Variants in ACTL8 observed in about 807,000 individuals in gnomAD.
ACTL8 encodes actin-like protein 8.
Under a neutral mutation model 9.3 loss-of-function variants are expected in ACTL8, and 3 were observed. The observed-to-expected ratio is 0.32, with a 90% CI of 0.15 to 0.83. The LOEUF is 0.83. Ranked by LOEUF, ACTL8 falls within the 40% of genes least tolerant of loss-of-function variation. The probability of loss-of-function intolerance (pLI) is 0.57; values close to 1 mark genes in which losing one functional copy is unlikely to be tolerated. For missense variants in ACTL8, 381 were observed against 492.2 expected, an observed-to-expected ratio of 0.77 and a Z score of 2.14; for synonymous variants, 224 against 205.9, an observed-to-expected ratio of 1.09 and a Z score of -0.75.
At chr1:17,771,817 AC>A (rs1332759417) in intron 1 of ACTL8, among the ~76,000 whole-genome samples, 22 of 152,262 alleles carry the variant, frequency 1.4e-4, no homozygotes, top group African/African-American at 3.9e-4. Flanking sequence ...ACAAATGGAC[AC>A]TGAGGTGCTG....
chr1:17,798,316 C>A (rs1206385531), intron 1 of ACTL8, among the ~76,000 whole-genome samples: 1 of 152,058 alleles, frequency 6.6e-6, no homozygotes, highest in Non-Finnish European at 1.5e-5. Context: ...TAGGTGGGAG[C>A]TAGACCAGCA....
In ACTL8 at chr1:17,825,778, G is replaced by A; in HGVS notation, c.360G>A (p.Glu120=). ...CTCCCTCGTTGCAGATCCTGTTTGAGTTGCTGCATGTCCCATCGGTCCTCC... is the reference window on the plus strand; with the variant it reads ...CTCCCTCGTTGCAGATCCTGTTTGAATTGCTGCATGTCCCATCGGTCCTCC... The part of the protein sequence containing the change: ...DRKKMLEILF[E]LLHVPSVLLA... The change falls in exon 3 of 3, where the codon GAG becomes GAA. Residue 120 remains glutamate, a synonymous_variant. Coordinates refer to ENST00000375406, the MANE Select transcript of ACTL8 (RefSeq NM_030812.3). 3.1e-6 allele frequency: 5 copies of A among 1,612,418 alleles called. No homozygotes were observed. Among genetic ancestry groups the A allele is most frequent in the Non-Finnish European group, 4.2e-6 (5 of 1,179,214 alleles).
At chr1:17,790,843 C>T (rs1156582303) in intron 1 of ACTL8, among the ~76,000 whole-genome samples, 1 of 152,274 alleles carries the variant, frequency 6.6e-6, no homozygotes, top group Non-Finnish European at 1.5e-5. Flanking sequence ...TCATCAGCAT[C>T]CAAAATTCAG....
At position 17,769,674 on chromosome 1, in the gene ACTL8, C is replaced by T. The variant is rs143017007; in HGVS notation, c.-25+14170C>T. Among the ~76,000 whole-genome samples the T allele has an allele frequency of 2.1e-4, 32 of 152,162 alleles. No individual in the cohort carries two copies. In the South Asian group the frequency reaches 3.5e-3, roughly 17 times the overall value. On this transcript the variant is annotated intron_variant, in intron 1 of 2. Transcript: ENST00000375406. ...AGACAGAGGCATGAAATAAACCAGG[C>T]GCAGGGCAGAAGAGGGCATGGGAAT...
chr1:17,759,624 G>A (rs1050500414), intron 1 of ACTL8, among the ~76,000 whole-genome samples: 4 of 152,218 alleles, frequency 2.6e-5, no homozygotes, highest in African/African-American at 9.6e-5. Flanking sequence ...GTGTTTGTGG[G>A]AGGATGCTTG....
chr1:17,822,964 C>A, intron 1 of ACTL8, 21 bp from the exon 2 acceptor site: 1 of 1,550,808 alleles, frequency 6.4e-7, no homozygotes. Context: ...GCACAACTAA[C>A]CCCATCCTTT....
At chr1:17,791,445 TC>T (rs2066238619) in intron 1 of ACTL8, among the ~76,000 whole-genome samples, 1 of 152,192 alleles carries the variant, frequency 6.6e-6, no homozygotes, top group Admixed American at 6.5e-5. Context: ...GAGTGGAAGA[TC>T]CGGGATTTGA....
intron 1 of ACTL8, among the ~76,000 whole-genome samples, chr1:17,795,695 G>A (rs552612690): frequency 3.3e-5 from 5 of 152,166 alleles, no homozygotes; most frequent in South Asian, 2.1e-4. Context: ...TGGGGGTCCC[G>A]CGTCAATCAC....
intron 1 of ACTL8, among the ~76,000 whole-genome samples, chr1:17,806,404 ACTCCCC>A (rs2066360305): frequency 6.6e-6 from 1 of 151,594 alleles, no homozygotes; most frequent in African/African-American, 2.4e-5. Context: ...TTCTTCTGGT[ACTCCCC>A]CTGTTTCTCA....
chr1:17,765,947 C>G (rs1206180391), intron 1 of ACTL8, among the ~76,000 whole-genome samples: 1 of 152,222 alleles, frequency 6.6e-6, no homozygotes, highest in African/African-American at 2.4e-5. Flanking sequence ...TAAATCTCAC[C>G]CCAGGTTTTA....
At chr1:17,791,921 G>A (rs2066242665) in intron 1 of ACTL8, among the ~76,000 whole-genome samples, 1 of 152,210 alleles carries the variant, frequency 6.6e-6, no homozygotes, top group East Asian at 1.9e-4. Context: ...CTGAAGCCGG[G>A]ACTCCCATTC....
At position 17,767,557 on chromosome 1, in the gene ACTL8, G is replaced by A. The variant is rs2066053301; in HGVS notation, c.-25+12053G>A. On this transcript the variant is annotated intron_variant, in intron 1 of 2. Coordinates refer to ENST00000375406, the MANE Select transcript of ACTL8 (RefSeq NM_030812.3). This position sits in a 1 kb window ranked among gnomAD's most constrained non-coding sequence, Gnocchi z 4.7. ...TGTCTAAGCCCGTGGCTGGGTGCAT[G>A]GCTCCCGGGCACTGCTCTTTTGTGG... Among the ~76,000 whole-genome samples the A allele has an allele frequency of 6.6e-6, 1 of 152,180 alleles. No individual in the cohort carries two copies. Among genetic ancestry groups the A allele is most frequent in the Non-Finnish European group, 1.5e-5 (1 of 68,024 alleles).
chr1:17,791,234 C>T (rs1254907486), intron 1 of ACTL8, among the ~76,000 whole-genome samples: 1 of 152,196 alleles, frequency 6.6e-6, no homozygotes, highest in Non-Finnish European at 1.5e-5. Context: ...TTGTCCCCAG[C>T]TCCCGCCAGC....
intron 1 of ACTL8, among the ~76,000 whole-genome samples, chr1:17,779,259 C>G (rs1290918776): frequency 6.6e-6 from 1 of 152,156 alleles, no homozygotes; most frequent in Non-Finnish European, 1.5e-5. Context: ...CCTCCTTCAA[C>G]ATTCAGCTGG....
chr1:17,804,954 TCTC>T lies in ACTL8; in HGVS notation c.-24-18028_-24-18026del, dbSNP rs199846661. Among the ~76,000 whole-genome samples the T allele has an allele frequency of 6.0e-3, 908 of 151,962 alleles. 7 individuals are homozygous for T. Among genetic ancestry groups the T allele is most frequent in the African/African-American group, 0.021 (868 of 41,416 alleles). On this transcript the variant is annotated intron_variant, in intron 1 of 2. Transcript: ENST00000375406. ...TCCTCAACCCAGCAGCCAGTGTCATTCTCCTAACACTTGGGACAGACGGGACCC... is the reference window on the plus strand; with the variant it reads ...TCCTCAACCCAGCAGCCAGTGTCATTCTAACACTTGGGACAGACGGGACCC...
chr1:17,762,843 C>T (rs1411694932), intron 1 of ACTL8, among the ~76,000 whole-genome samples: 4 of 152,120 alleles, frequency 2.6e-5, no homozygotes, highest in South Asian at 2.1e-4. Context: ...CCACCTCTGG[C>T]GCTTTCTGCG....
chr1:17,823,191 C>A lies in ACTL8; in HGVS notation c.183C>A (p.Asp61Glu), dbSNP rs1383914234. The change falls in exon 2 of 3, where the codon GAC becomes GAA. Residue 61 changes from aspartate to glutamate, a missense_variant. This residue lies in a region of ACTL8 where 125 missense variants were observed against 180.7 expected (regional missense o/e 0.69). Transcript: ENST00000375406. The surrounding 1 kb of genome is among the most constrained non-coding windows in gnomAD (Gnocchi z 5.3). ...TGGGCATCGACATTTGCCATCCTGA[C>A]ACCTTTAGCTACCCCATCGAGCGGG... ...VSLGIDICHP[D>E]TFSYPIERGR... The A allele has an allele frequency of 3.1e-6, 5 of 1,614,104 alleles. No homozygotes were observed. Among genetic ancestry groups the A allele is most frequent in the Non-Finnish European group, 4.2e-6 (5 of 1,180,054 alleles).
At chr1:17,810,776 G>GGAA (rs1330145954) in intron 1 of ACTL8, among the ~76,000 whole-genome samples, 5 of 152,278 alleles carry the variant, frequency 3.3e-5, no homozygotes, top group Admixed American at 6.5e-5. Context: ...TGTAAGTCTG[G>GGAA]TTTATTTCAT....
intron 1 of ACTL8, among the ~76,000 whole-genome samples, chr1:17,778,714 A>C (rs2066133190): frequency 6.6e-6 from 1 of 152,016 alleles, no homozygotes; most frequent in African/African-American, 2.4e-5. Context: ...CTGACTAGAG[A>C]TCTAAGGGCC....
Sources: gnomAD v4.1 joint callset for allele counts (sites outside exome capture counted in the v4.1 genomes callset) on GRCh38, gnomAD v4.1.1 for gene constraint, gnomAD v4.1.1 regional missense constraint, Gnocchi (gnomAD v3.1) non-coding constraint, MANE v1.5 for transcripts, NCBI Gene and HGNC (gene_info 2026-07-23, HGNC 2026-07-21) for gene names.